Variants in DEPDC5 observed in about 807,000 individuals in gnomAD.
The protein encoded by DEPDC5 is DEP domain containing 5, GATOR1 subcomplex subunit.
In DEPDC5, 73 loss-of-function variants were observed where a neutral mutation model predicts 217.3. That is an observed-to-expected ratio of 0.34 (90% CI 0.28 to 0.41). The LOEUF is 0.41. Among genes scored for constraint, DEPDC5 ranks in the 10% least tolerant of loss-of-function variants. The pLI, the probability that DEPDC5 is intolerant of heterozygous loss-of-function variation, is 1.00. For synonymous variants in DEPDC5, 733 were observed against 756.7 expected, an observed-to-expected ratio of 0.97 and a Z score of 0.51; for missense variants, 1,675 against 2,070.1, an observed-to-expected ratio of 0.81 and a Z score of 3.70.
At chr22:31,802,211 C>G (rs970199028) in intron 14 of DEPDC5, among the ~76,000 whole-genome samples, 2 of 150,264 alleles carry the variant, frequency 1.3e-5, no homozygotes, top group African/African-American at 4.9e-5. Context: ...CTCACTGCGC[C>G]TCTGCCTCCT....
rs550134818 is a variant in DEPDC5 at position 31,865,372 on chromosome 22, C to T, written c.3330+3939C>T. On this transcript the variant is annotated intron_variant, in intron 33 of 42. Coordinates refer to ENST00000651528, the MANE Select transcript of DEPDC5 (RefSeq NM_001242896.3). ...AGCTGGGTGTCGTGGTGCATGCCTG[C>T]GGTCTCAGTTATTTGAGAGACTGAA... is the stretch of plus-strand genomic sequence containing the variant. 4.6e-5 allele frequency among the ~76,000 whole-genome samples: 7 copies of T among 152,024 alleles called. No individual in the cohort carries two copies. The South Asian group carries it at 1.2e-3, about 27-fold the overall frequency.
chr22:31,797,825 C>G (rs1428359994), intron 13 of DEPDC5, 122 bp downstream of exon 13: 1 of 763,332 alleles, frequency 1.3e-6, no homozygotes, highest in African/African-American at 1.7e-5. Flanking sequence ...TGCTTTTGGT[C>G]AGGGTTCTGT....
intron 14 of DEPDC5, 106 bp from the exon 15 acceptor site, chr22:31,802,598 A>G (rs1162633328): frequency 7.6e-7 from 1 of 1,312,904 alleles, no homozygotes; most frequent in African/African-American, 1.5e-5. Context: ...CAGTTGCTAT[A>G]ATAAAAATAT....
chr22:31,781,774 C>T (rs2084468447), intron 8 of DEPDC5, among the ~76,000 whole-genome samples: 1 of 152,136 alleles, frequency 6.6e-6, no homozygotes, highest in Non-Finnish European at 1.5e-5. Context: ...TGGCTCACGC[C>T]TGTAATCCCA....
chr22:31,889,641 C>T (rs977629171), intron 38 of DEPDC5, among the ~76,000 whole-genome samples: 3 of 150,164 alleles, frequency 2.0e-5, no homozygotes, highest in Non-Finnish European at 3.0e-5. Flanking sequence ...CCCAGGTTCA[C>T]GCCATTCTCC....
rs1395354365 is a variant in DEPDC5 at position 31,836,988 on chromosome 22, T to C, written c.2187T>C (p.Ala729=). ...GTGAGGCAGTTCTGACACTGTCTGC[T>C]CCCCCTGTAGTGCCAGGCTTCTGTT... ...TSPDPILTLS[A]PPVVPGFCCT... is the part of the protein sequence containing the mutation. The change falls in exon 26 of 43, where the codon GCT becomes GCC. Residue 729 remains alanine (A), a synonymous_variant. Coordinates refer to ENST00000651528, the MANE Select transcript of DEPDC5 (RefSeq NM_001242896.3). 3 of 1,613,032 alleles carry C rather than the reference T, an allele frequency of 1.9e-6. No homozygotes were observed. Among genetic ancestry groups the C allele is most frequent in the African/African-American group, 1.3e-5 (1 of 74,722 alleles).
intron 8 of DEPDC5, among the ~76,000 whole-genome samples, chr22:31,780,271 C>G (rs555371359): frequency 6.6e-6 from 1 of 152,234 alleles, no homozygotes; most frequent in African/African-American, 2.4e-5. Context: ...GTCCACAGAA[C>G]TTGCTCATAG....
intron 24 of DEPDC5, 62 bp downstream of exon 24, chr22:31,822,852 C>A (rs553781361): frequency 6.6e-7 from 1 of 1,519,872 alleles, no homozygotes; most frequent in African/African-American, 1.4e-5. Context: ...CTGGAAATGA[C>A]ACAAGGGCCA....
At chr22:31,786,121 GTGGT>G (rs1316107053) in intron 10 of DEPDC5, among the ~76,000 whole-genome samples, 4 of 151,940 alleles carry the variant, frequency 2.6e-5, no homozygotes, top group Non-Finnish European at 5.9e-5. Flanking sequence ...GCCAGGCGTG[GTGGT>G]TGGTGCCTGT....
At chr22:31,900,957 T>C (rs111566332) in intron 40 of DEPDC5, among the ~76,000 whole-genome samples, 6,902 of 150,836 alleles carry the variant, frequency 0.046, 217 homozygotes, top group East Asian at 0.077. Context: ...TAGAAATTAG[T>C]TGGGGCCGGG....
At chr22:31,832,303 A>G (rs905254468) in intron 24 of DEPDC5, among the ~76,000 whole-genome samples, 4 of 152,206 alleles carry the variant, frequency 2.6e-5, no homozygotes, top group African/African-American at 9.6e-5. Flanking sequence ...ATAAATTTCT[A>G]TGAGTAGATT....
intron 29 of DEPDC5, 100 bp downstream of exon 29, chr22:31,843,912 C>CTT: frequency 1.3e-4 from 131 of 1,044,654 alleles, no homozygotes; most frequent in East Asian, 1.6e-4. Context: ...CTCCCTTTTT[C>CTT]TTTTTTTTTT....
At chr22:31,806,492 A>C (rs2087557087) in intron 18 of DEPDC5, among the ~76,000 whole-genome samples, 1 of 152,280 alleles carries the variant, frequency 6.6e-6, no homozygotes, top group African/African-American at 2.4e-5. Flanking sequence ...ATAAATAACA[A>C]GGCCAAGGCC....
intron 37 of DEPDC5, among the ~76,000 whole-genome samples, chr22:31,877,727 G>A (rs1384348640): frequency 2.3e-5 from 3 of 130,822 alleles, no homozygotes; most frequent in African/African-American, 9.1e-5. Context: ...TTCCAGTCTG[G>A]CGACAGAGCG....
intron 33 of DEPDC5, among the ~76,000 whole-genome samples, chr22:31,863,364 G>T (rs988038740): frequency 2.6e-5 from 4 of 152,086 alleles, no homozygotes; most frequent in African/African-American, 9.7e-5. Flanking sequence ...AAGGGGTTTC[G>T]CCATGTTGGC....
At chr22:31,792,320 A>G (rs2085759818) in intron 11 of DEPDC5, among the ~76,000 whole-genome samples, 1 of 151,984 alleles carries the variant, frequency 6.6e-6, no homozygotes, top group Admixed American at 6.6e-5. Context: ...ATAGATAGAC[A>G]GTTGGCTGGG....
intron 34 of DEPDC5, among the ~76,000 whole-genome samples, chr22:31,871,028 G>A (rs1239652199): frequency 6.6e-6 from 1 of 152,220 alleles, no homozygotes; most frequent in African/African-American, 2.4e-5. Flanking sequence ...TGTCCAGTCT[G>A]TCTTGTTCAC....
At chr22:31,783,031 G>A (rs1037499199) in intron 8 of DEPDC5, among the ~76,000 whole-genome samples, 1 of 152,222 alleles carries the variant, frequency 6.6e-6, no homozygotes, top group Non-Finnish European at 1.5e-5. Flanking sequence ...CCTGGGTCGA[G>A]TGGGGACTTG....
intron 24 of DEPDC5, among the ~76,000 whole-genome samples, chr22:31,825,864 A>G (rs1485443541): frequency 2.0e-5 from 3 of 151,970 alleles, no homozygotes; most frequent in Non-Finnish European, 4.4e-5. Context: ...CCTCTTCCAC[A>G]TGGTACTGCA....
Sources: allele counts gnomAD v4.1 joint callset (sites outside exome capture counted in the v4.1 genomes callset), GRCh38; gene constraint gnomAD v4.1.1; transcripts MANE v1.5; gene names NCBI Gene and HGNC (gene_info 2026-07-23, HGNC 2026-07-21).